The following FAT3 variants were observed in gnomAD, a reference collection of about 807,000 sequenced individuals.
FAT3 encodes FAT atypical cadherin 3.
A neutral mutation model predicts 310.2 loss-of-function variants in FAT3; 95 were observed. The observed-to-expected ratio is 0.31, with a 90% CI of 0.26 to 0.36. FAT3 has a LOEUF of 0.36. Among genes scored for constraint, FAT3 ranks in the 10% least tolerant of loss-of-function variants. The pLI is 1.00. For synonymous variants in FAT3, 2,314 were observed against 2,192.9 expected (o/e 1.06, Z -1.54); for missense variants, 5,408 against 5,715.6 (o/e 0.95, Z 1.74).
At chr11:92,316,343 T>G (rs1947460789) in intron 1 of FAT3, among the ~76,000 whole-genome samples, 1 of 152,190 alleles carries the variant, frequency 6.6e-6, no homozygotes, top group Non-Finnish European at 1.5e-5. Context: ...ATAACATGCT[T>G]GTTGGCAGGA....
chr11:92,585,530 C>G (rs1265371057), intron 3 of FAT3, among the ~76,000 whole-genome samples: 1 of 151,922 alleles, frequency 6.6e-6, no homozygotes, highest in Non-Finnish European at 1.5e-5. Flanking sequence ...GAAAAGTAAA[C>G]ATTCAATTAT....
At chr11:92,281,825 A>G (rs1470031814) in intron 1 of FAT3, among the ~76,000 whole-genome samples, 4 of 152,100 alleles carry the variant, frequency 2.6e-5, no homozygotes, top group African/African-American at 4.8e-5. Context: ...TCCTTTTCCT[A>G]GTAGCTTAAA....
chr11:92,861,419 AAAG>A (rs1949120447), intron 21 of FAT3, among the ~76,000 whole-genome samples: 2 of 152,366 alleles, frequency 1.3e-5, no homozygotes, highest in South Asian at 2.1e-4. Flanking sequence ...AGAGGATACG[AAAG>A]AAGAATAATT....
At chr11:92,815,790 T>C (rs1049718869) in intron 13 of FAT3, among the ~76,000 whole-genome samples, 16 of 152,188 alleles carry the variant, frequency 1.1e-4, no homozygotes, top group African/African-American at 3.6e-4. Context: ...AGATGAAACA[T>C]GGGGACACAT....
At chr11:92,862,496 T>G (rs1565658867) in intron 21 of FAT3, among the ~76,000 whole-genome samples, 1 of 152,184 alleles carries the variant, frequency 6.6e-6, no homozygotes, top group Non-Finnish European at 1.5e-5. Context: ...TATCACACAT[T>G]TTATTTTCGG....
At chr11:92,480,440 T>A (rs1952190823) in intron 2 of FAT3, among the ~76,000 whole-genome samples, 1 of 152,170 alleles carries the variant, frequency 6.6e-6, no homozygotes, top group South Asian at 2.1e-4. Flanking sequence ...AAGGAAAGCA[T>A]TGGCATCAAG....
At chr11:92,749,582 G>A (rs1945773554) in intron 4 of FAT3, among the ~76,000 whole-genome samples, 2 of 152,138 alleles carry the variant, frequency 1.3e-5, no homozygotes, top group African/African-American at 4.8e-5. Context: ...CAGAAGTAAG[G>A]AAAGGCAGTT....
chr11:92,680,108 T>G (rs771166428), intron 3 of FAT3, among the ~76,000 whole-genome samples: 5 of 151,804 alleles, frequency 3.3e-5, no homozygotes, highest in Non-Finnish European at 7.4e-5. Flanking sequence ...TTAGTGTGAT[T>G]AAGTCTCATT....
Position 92,353,986 on chromosome 11 carries a change from A to G in FAT3, c.1874A>G (p.Tyr625Cys), listed in dbSNP as rs149690811. The G allele has an allele frequency of 2.2e-4, 353 of 1,612,978 alleles. 4 individuals carry two copies. The African/African-American group carries it at 4.4e-3, about 20-fold the overall frequency. The change falls in exon 2 of 28, where the codon TAT becomes TGT. Residue 625 changes from tyrosine to cysteine, a missense_variant. Around this residue, in one of 5 missense-constraint regions of FAT3, gnomAD observed 4,588 missense variants for 4,809.8 expected, o/e 0.95. Transcript: ENST00000525166. ...TCTGGAAATGAACTTGGCTTCTTTT[A>G]TTTAAACCCAGATTCTGGTGTTTTA... Reference protein sequence around the residue: ...IISGNELGFFYLNPDSGVLQL... With the variant: ...IISGNELGFFCLNPDSGVLQL...
intron 3 of FAT3, among the ~76,000 whole-genome samples, chr11:92,684,972 G>T (rs571646399): frequency 6.6e-6 from 1 of 152,294 alleles, no homozygotes; most frequent in South Asian, 2.1e-4. Flanking sequence ...TCAAACTCCA[G>T]CCAGGGAGTG....
intron 4 of FAT3, among the ~76,000 whole-genome samples, chr11:92,699,017 G>A (rs893952048): frequency 2.0e-5 from 3 of 152,188 alleles, no homozygotes; most frequent in Admixed American, 2.0e-4. Context: ...CTATAGCAGA[G>A]CAAAGAGGAA....
intron 3 of FAT3, among the ~76,000 whole-genome samples, chr11:92,526,293 A>G (rs1374292730): frequency 6.6e-6 from 1 of 152,192 alleles, no homozygotes; most frequent in Non-Finnish European, 1.5e-5. Context: ...AATGAATTCA[A>G]TCACTTTGCA....
At position 92,355,191 on chromosome 11, in the gene FAT3, G is replaced by A. The variant is rs772636695; in HGVS notation, c.3079G>A (p.Val1027Ile). 6.2e-7 allele frequency: 1 copy of A among 1,613,798 alleles called. No homozygotes were observed. Among genetic ancestry groups the A allele is most frequent in the Non-Finnish European group, 8.5e-7 (1 of 1,179,844 alleles). ...TGTCTCTCTGTCATCTGTTTCCTTTGTTGAGGTGGAAGTGGTGGATGTCAA... is the reference window on the plus strand; with the variant it reads ...TGTCTCTCTGTCATCTGTTTCCTTTATTGAGGTGGAAGTGGTGGATGTCAA... ...RPVSLSSVSF[V>I]EVEVVDVNEN... Residue 1027 changes from valine to isoleucine, a missense_variant, in exon 2 of 28, where the codon GTT becomes ATT. Coordinates refer to ENST00000525166, the MANE Select transcript of FAT3 (RefSeq NM_001367949.2).
In FAT3 at chr11:92,801,054, G is replaced by A. The variant is rs1371118144; in HGVS notation, c.8041G>A (p.Val2681Ile). The A allele has an allele frequency of 6.2e-7, 1 of 1,613,774 alleles. No homozygotes were observed. Among genetic ancestry groups the A allele is most frequent in the Non-Finnish European group, 8.5e-7 (1 of 1,179,862 alleles). ...NTVLSFFVKA[V>I]DGGIPVKHSL... is the part of the protein sequence containing the mutation. ...AGTGCTTTCGTTCTTTGTCAAAGCAGTAGATGGGGGCATCCCAGTAAAGCA... is the reference window on the plus strand; with the variant it reads ...AGTGCTTTCGTTCTTTGTCAAAGCAATAGATGGGGGCATCCCAGTAAAGCA... Residue 2681 changes from valine (V) to isoleucine (I), a missense_variant, in exon 10 of 28, where the codon GTA becomes ATA. By Grantham distance (29) the Val-to-Ile change is conservative. This residue lies in a region of FAT3 where 4,588 missense variants were observed against 4,809.8 expected (regional missense o/e 0.95). Transcript: ENST00000525166.
At chr11:92,614,971 C>T (rs1431083083) in intron 3 of FAT3, among the ~76,000 whole-genome samples, 1 of 152,148 alleles carries the variant, frequency 6.6e-6, no homozygotes, top group African/African-American at 2.4e-5. Flanking sequence ...ACAATATATT[C>T]CATTCCTGCT....
chr11:92,516,190 G>T (rs1565376698), intron 2 of FAT3, among the ~76,000 whole-genome samples: 1 of 152,038 alleles, frequency 6.6e-6, no homozygotes, highest in African/African-American at 2.4e-5. Flanking sequence ...AACAAAAAAA[G>T]AAAATTTCAG....
intron 2 of FAT3, among the ~76,000 whole-genome samples, chr11:92,520,131 A>G (rs1276062684): frequency 6.6e-6 from 1 of 152,006 alleles, no homozygotes; most frequent in Non-Finnish European, 1.5e-5. Context: ...TGCTGTACCG[A>G]CACAATGGAA....
At position 92,844,205 on chromosome 11, in the gene FAT3, G is replaced by A. The variant is rs781112289; in HGVS notation, c.10838G>A (p.Ser3613Asn). ...GKIIALGGLD[S>N]GKYVLNVSVS... ...ATCATCGCCCTGGGAGGCCTGGACA[G>A]CGGCAAGTATGTCCTGAATGTGTCT... Residue 3613 changes from serine (S) to asparagine (N), a missense_variant, in exon 19 of 28, where the codon AGC becomes AAC. Ser to Asn is a conservative substitution (Grantham distance 46, BLOSUM62 1). This residue lies in a region of FAT3 where 4,588 missense variants were observed against 4,809.8 expected (regional missense o/e 0.95). Transcript: ENST00000525166. The A allele has an allele frequency of 1.2e-6, 2 of 1,614,070 alleles. No individual in the cohort carries two copies. Among genetic ancestry groups the A allele is most frequent in the Non-Finnish European group, 1.7e-6 (2 of 1,179,902 alleles).
chr11:92,289,729 C>G (rs1474719625), intron 1 of FAT3, among the ~76,000 whole-genome samples: 1 of 152,004 alleles, frequency 6.6e-6, no homozygotes, highest in African/African-American at 2.4e-5. Flanking sequence ...TATCTAATCC[C>G]TAACCCTCAG....
Sources: gnomAD v4.1 joint callset for allele counts (sites outside exome capture counted in the v4.1 genomes callset) on GRCh38, gnomAD v4.1.1 for gene constraint, gnomAD v4.1.1 regional missense constraint, MANE v1.5 for transcripts, NCBI Gene and HGNC (gene_info 2026-07-23, HGNC 2026-07-21) for gene names.